The following WSB2 variants were observed in gnomAD, a reference collection of about 807,000 sequenced individuals.
WSB2 encodes the protein WD repeat and SOCS box-containing protein 2.
Under a neutral mutation model 48.8 loss-of-function variants are expected in WSB2, and 12 were observed. That is an observed-to-expected ratio of 0.25 (90% CI 0.16 to 0.40). The LOEUF (loss-of-function observed/expected upper bound fraction) is 0.40. Ranked by LOEUF, WSB2 falls within the 10% of genes least tolerant of loss-of-function variation. WSB2 has a pLI of 1.00. For missense variants in WSB2, 317 were observed against 506.2 expected (o/e 0.63, Z 3.59); for synonymous variants, 191 against 203.1 (o/e 0.94, Z 0.51).
rs2031399244 is a variant in WSB2 at position 118,032,932 on chromosome 12, T to C, written c.*1264A>G. The C allele has an allele frequency of 6.6e-6, 1 of 152,138 alleles. No individual in the cohort carries two copies. The highest frequency in any genetic ancestry group is 6.5e-5 in the Admixed American group (1 of 15,278). The allele number at this position is 152,138 out of a possible 1,614,324, so 9.4% of individuals were successfully genotyped here. On this transcript the variant is annotated 3_prime_UTR_variant, in exon 9 of 9. Transcript: ENST00000315436. ...GCTTTTAACTGTTGTTTTTTTCTTTTCTTCAATGAAAGCCTCTCATTTTGA... is the reference window on the plus strand; with the variant it reads ...GCTTTTAACTGTTGTTTTTTTCTTTCCTTCAATGAAAGCCTCTCATTTTGA...
intron 2 of WSB2, among the ~76,000 whole-genome samples, chr12:118,050,061 G>A (rs188041386): frequency 2.1e-4 from 32 of 152,190 alleles, no homozygotes; most frequent in African/African-American, 4.8e-4. Context: ...TTAGCTAGGG[G>A]TGGTGGCGCA....
intron 1 of WSB2, among the ~76,000 whole-genome samples, chr12:118,054,535 T>C (rs900042628): frequency 1.2e-4 from 18 of 151,990 alleles, no homozygotes; most frequent in Non-Finnish European, 2.4e-4. Context: ...CCGGGCTTGG[T>C]GGCGCATGCC....
chr12:118,046,364 G>A (rs1213464460), intron 2 of WSB2, among the ~76,000 whole-genome samples: 1 of 151,430 alleles, frequency 6.6e-6, no homozygotes, highest in East Asian at 1.9e-4. Flanking sequence ...TCGGGAGGCT[G>A]AAGCAGGAGA....
intron 4 of WSB2, chr12:118,042,638 C>T (rs746696467): frequency 1.0e-5 from 7 of 668,008 alleles, no homozygotes; most frequent in Non-Finnish European, 1.2e-5. Flanking sequence ...AGTATATGTT[C>T]GGTATTAAAC....
intron 1 of WSB2, among the ~76,000 whole-genome samples, chr12:118,053,476 C>T (rs978493726): frequency 1.3e-5 from 2 of 152,208 alleles, no homozygotes; most frequent in African/African-American, 2.4e-5. Flanking sequence ...TTGTTTATTT[C>T]ATTCTCTCTT....
intron 4 of WSB2, among the ~76,000 whole-genome samples, chr12:118,040,127 C>T (rs753932561): frequency 6.6e-6 from 1 of 151,944 alleles, no homozygotes; most frequent in Admixed American, 6.6e-5. Flanking sequence ...AAGCCGAGAT[C>T]GCAGCATTGC....
chr12:118,034,583 G>GCTCTCTCTCTCTCTCTC lies in WSB2; in HGVS notation c.1053-226_1053-225insGAGAGAGAGAGAGAGAG, dbSNP rs1555267406. ...CCTGTGATACCAAAGCGCTCTCTCT[G>GCTCTCTCTCTCTCTCTC]TCTCTCTCTCGGCACAGCCCTTTCT... On this transcript the variant is annotated intron_variant, in intron 8 of 8. Coordinates refer to ENST00000315436, the MANE Select transcript of WSB2 (RefSeq NM_018639.5). The GCTCTCTCTCTCTCTCTC allele has an allele frequency of 1.5e-4, 81 of 538,240 alleles. No homozygotes were observed. In the Admixed American group the frequency reaches 2.3e-3, roughly 16 times the overall value. The allele number at this position is 538,240 out of a possible 1,614,324, so 33.3% of individuals were successfully genotyped here. A position where few individuals can be genotyped will look rare whatever the true frequency, so the allele number is the denominator to read the frequency against.
At chr12:118,050,378 A>G (rs1159190670) in intron 2 of WSB2, among the ~76,000 whole-genome samples, 1 of 151,836 alleles carries the variant, frequency 6.6e-6, no homozygotes, top group African/African-American at 2.4e-5. Context: ...GCCAAGCGCC[A>G]TGGCTCACAC....
At chr12:118,041,407 A>G (rs1007537912) in intron 4 of WSB2, among the ~76,000 whole-genome samples, 1 of 152,188 alleles carries the variant, frequency 6.6e-6, no homozygotes, top group Non-Finnish European at 1.5e-5. Flanking sequence ...GGACTCCCCA[A>G]CCTTCAGAAC....
intron 2 of WSB2, among the ~76,000 whole-genome samples, chr12:118,045,104 C>T (rs2031717940): frequency 6.6e-6 from 1 of 152,088 alleles, no homozygotes; most frequent in African/African-American, 2.4e-5. Flanking sequence ...TGGCCGGGTG[C>T]GGTGGCTCAT....
chr12:118,054,641 C>T (rs2031920084), intron 1 of WSB2, among the ~76,000 whole-genome samples: 1 of 151,720 alleles, frequency 6.6e-6, no homozygotes, highest in Non-Finnish European at 1.5e-5. Flanking sequence ...GGTGTCATTG[C>T]ACTCCAGCCT....
intron 2 of WSB2, 64 bp downstream of exon 2, chr12:118,052,246 A>T: frequency 6.4e-7 from 1 of 1,573,210 alleles, no homozygotes; most frequent in South Asian, 1.2e-5. Flanking sequence ...GGGCACAGAG[A>T]TGGCAAAAGA....
chr12:118,038,841 C>T (rs1213925993), intron 4 of WSB2, among the ~76,000 whole-genome samples: 1 of 152,088 alleles, frequency 6.6e-6, no homozygotes, highest in Non-Finnish European at 1.5e-5. Context: ...CCACTGCGCC[C>T]AGCTCATTTT....
At chr12:118,058,274 G>A (rs547250613) in intron 1 of WSB2, among the ~76,000 whole-genome samples, 12 of 152,100 alleles carry the variant, frequency 7.9e-5, no homozygotes, top group Admixed American at 1.3e-4. Context: ...TATCATTCAG[G>A]GATTGGTCCT....
intron 1 of WSB2, among the ~76,000 whole-genome samples, chr12:118,059,485 C>T (rs1198736476): frequency 2.0e-5 from 3 of 152,098 alleles, no homozygotes; most frequent in Non-Finnish European, 4.4e-5. Flanking sequence ...TCAACTGTTG[C>T]CCATTGTATT....
chr12:118,057,961 G>C (rs1180511728), intron 1 of WSB2, among the ~76,000 whole-genome samples: 5 of 151,518 alleles, frequency 3.3e-5, no homozygotes, highest in African/African-American at 1.2e-4. Context: ...TAGAGATGGG[G>C]GTCTGGCTAT....
intron 4 of WSB2, among the ~76,000 whole-genome samples, chr12:118,038,838 G>A (rs1050897019): frequency 1.3e-5 from 2 of 152,032 alleles, no homozygotes; most frequent in South Asian, 2.1e-4. Context: ...GTGCCACTGC[G>A]CCCAGCTCAT....
upstream of WSB2, among the ~76,000 whole-genome samples, chr12:118,061,929 G>A (rs1357451511): frequency 6.8e-6 from 1 of 148,120 alleles, no homozygotes; most frequent in Non-Finnish European, 1.5e-5. Context: ...GAGGGTCAAG[G>A]CTAGGGTAAA....
intron 2 of WSB2, among the ~76,000 whole-genome samples, chr12:118,044,745 T>G (rs1459570267): frequency 1.3e-5 from 2 of 152,122 alleles, no homozygotes; most frequent in African/African-American, 4.8e-5. Flanking sequence ...GCACAAGCAC[T>G]TGGCCGGCCC....
Sources: allele counts gnomAD v4.1 joint callset (sites outside exome capture counted in the v4.1 genomes callset), GRCh38; gene constraint gnomAD v4.1.1; transcripts MANE v1.5; gene names NCBI Gene and HGNC (gene_info 2026-07-23, HGNC 2026-07-21).